Variants in TCF12 observed in about 807,000 individuals in gnomAD.
TCF12 encodes DNA-binding protein HTF4.
Under a neutral mutation model 86.0 loss-of-function variants are expected in TCF12, and 45 were observed. The ratio of observed to expected loss-of-function variants is 0.52; its 90% CI spans 0.41 to 0.67. TCF12 has a LOEUF of 0.67. TCF12 is among the 30% of genes least tolerant of loss of function. The probability of loss-of-function intolerance (pLI) is 0.00; values close to 1 mark genes in which losing one functional copy is unlikely to be tolerated. For synonymous variants in TCF12, 330 were observed against 299.6 expected, an observed-to-expected ratio of 1.10 and a Z score of -1.05; for missense variants, 881 against 859.9, an observed-to-expected ratio of 1.02 and a Z score of -0.31.
At chr15:57,118,098 A>G (rs1390149867) in intron 5 of TCF12, among the ~76,000 whole-genome samples, 16 of 152,204 alleles carry the variant, frequency 1.1e-4, no homozygotes, top group Admixed American at 8.5e-4. Flanking sequence ...TTGCTTGGCC[A>G]GGATATATTT....
chr15:57,180,806 A>AATTT (rs2056285381), intron 6 of TCF12, among the ~76,000 whole-genome samples: 1 of 82,122 alleles, frequency 1.2e-5, no homozygotes, highest in African/African-American at 5.1e-5. Flanking sequence ...GATGCTAATA[A>AATTT]TTTTTTTTTT....
intron 3 of TCF12, among the ~76,000 whole-genome samples, chr15:57,037,424 A>G (rs1344826452): frequency 2.1e-5 from 3 of 144,626 alleles, no homozygotes; most frequent in African/African-American, 5.5e-5. Context: ...CTGGGTGACA[A>G]GAGCTCAAAA....
intron 3 of TCF12, among the ~76,000 whole-genome samples, chr15:57,024,580 A>G (rs1486495431): frequency 6.6e-6 from 1 of 152,224 alleles, no homozygotes; most frequent in Non-Finnish European, 1.5e-5. Flanking sequence ...GTAACATAGT[A>G]AGACTGGAAT....
At chr15:57,167,989 A>T (rs1374917318) in intron 6 of TCF12, among the ~76,000 whole-genome samples, 1 of 152,194 alleles carries the variant, frequency 6.6e-6, no homozygotes, top group Non-Finnish European at 1.5e-5. Flanking sequence ...TTTAGCAAGT[A>T]TGGTTGACAT....
intron 6 of TCF12, among the ~76,000 whole-genome samples, chr15:57,168,565 T>C (rs1236889531): frequency 6.6e-6 from 1 of 152,218 alleles, no homozygotes; most frequent in Non-Finnish European, 1.5e-5. Context: ...ATATCAGAAC[T>C]CATTCTTTTT....
rs1567549825 is a variant in TCF12, at chr15:57,166,458, G to C, written c.382G>C (p.Gly128Arg). ...SLYSRDTGLPGCQSSLLRQDL... is the reference protein window; with the variant it reads ...SLYSRDTGLPRCQSSLLRQDL... ...GTACAGCAGAGATACTGGATTACCA[G>C]GCTGTCAAGTAAGTTTAATGATTAA... The change falls in exon 6 of 21, where the codon GGC becomes CGC. Residue 128 changes from glycine (G) to arginine (R), a missense_variant. Around this residue, in one of 3 missense-constraint regions of TCF12, gnomAD observed 766 missense variants for 718.9 expected, o/e 1.07. Coordinates refer to ENST00000333725, the MANE Select transcript of TCF12 (RefSeq NM_207037.2). 1.2e-6 allele frequency: 2 copies of C among 1,611,848 alleles called. No homozygotes were observed. Among genetic ancestry groups the C allele is most frequent in the Non-Finnish European group, 8.5e-7 (1 of 1,179,206 alleles).
chr15:57,138,970 T>C (rs2052758135), intron 5 of TCF12, among the ~76,000 whole-genome samples: 1 of 152,170 alleles, frequency 6.6e-6, no homozygotes, highest in Admixed American at 6.5e-5. Flanking sequence ...GCTGAGATCA[T>C]TTACCTATTT....
At chr15:57,023,171 G>C (rs187336265) in intron 3 of TCF12, among the ~76,000 whole-genome samples, 9 of 152,256 alleles carry the variant, frequency 5.9e-5, no homozygotes, top group African/African-American at 2.2e-4. Flanking sequence ...ACCTCAAGCA[G>C]ATTATTTGAA....
At chr15:57,081,160 T>A (rs1269504640) in intron 4 of TCF12, among the ~76,000 whole-genome samples, 1 of 152,232 alleles carries the variant, frequency 6.6e-6, no homozygotes, top group African/African-American at 2.4e-5. Flanking sequence ...GTTTTGTTGT[T>A]GCATTTTCCT....
chr15:57,111,955 A>G (rs905089925), intron 5 of TCF12, among the ~76,000 whole-genome samples: 3 of 152,316 alleles, frequency 2.0e-5, no homozygotes, highest in African/African-American at 4.8e-5. Flanking sequence ...CAAAAGTGCC[A>G]TATGAACAAG....
chr15:57,285,224 G>T (rs2061882653), intron 20 of TCF12, among the ~76,000 whole-genome samples: 1 of 152,186 alleles, frequency 6.6e-6, no homozygotes, highest in South Asian at 2.1e-4. Context: ...ATCCTGTAAT[G>T]TAGGCCAAGT....
At chr15:57,202,400 A>G (rs868314906) in intron 8 of TCF12, among the ~76,000 whole-genome samples, 7 of 150,838 alleles carry the variant, frequency 4.6e-5, no homozygotes, top group Middle Eastern at 7.0e-3. Flanking sequence ...AGACTTCCCA[A>G]TTAAGCATGT....
chr15:56,969,561 G>A (rs1157306557), intron 3 of TCF12, among the ~76,000 whole-genome samples: 13 of 126,866 alleles, frequency 1.0e-4, no homozygotes, highest in African/African-American at 1.8e-4. Flanking sequence ...TTTTTGAGAC[G>A]AGATTTCATT....
At chr15:57,197,173 T>TTTTTTTTTTTA (rs60620441) in intron 7 of TCF12, among the ~76,000 whole-genome samples, 4 of 148,484 alleles carry the variant, frequency 2.7e-5, no homozygotes, top group African/African-American at 1.0e-4. Flanking sequence ...TTTTTTTTTT[T>TTTTTTTTTTTA]GAGACAGAGG....
intron 3 of TCF12, among the ~76,000 whole-genome samples, chr15:56,962,545 A>C (rs966679425): frequency 1.3e-5 from 2 of 152,220 alleles, no homozygotes; most frequent in Non-Finnish European, 2.9e-5. Flanking sequence ...CAGAAACATG[A>C]AGAAAAAGAC....
At position 57,288,819 on chromosome 15, in the gene TCF12, G is replaced by C. The variant is rs1296275048; in HGVS notation, c.*2674G>C. The C allele has an allele frequency of 6.6e-6, 1 of 152,152 alleles. No individual in the cohort carries two copies. The highest frequency in any genetic ancestry group is 1.9e-4 in the East Asian group (1 of 5,196). The allele number at this position is 152,152 out of a possible 1,614,324, so 9.4% of individuals were successfully genotyped here. A position where few individuals can be genotyped will look rare whatever the true frequency, so the allele number is the denominator to read the frequency against. Reference sequence around the variant, plus strand: ...GAAAATCTACTCATTTGTAGATACAGAGAAAAATGAAGAAGATGGAAAAAG... The same window carrying C: ...GAAAATCTACTCATTTGTAGATACACAGAAAAATGAAGAAGATGGAAAAAG... On this transcript the variant is annotated 3_prime_UTR_variant, in exon 21 of 21. Transcript: ENST00000333725.
chr15:57,090,292 T>G (rs1483024074), intron 4 of TCF12, among the ~76,000 whole-genome samples: 2 of 152,186 alleles, frequency 1.3e-5, no homozygotes, highest in African/African-American at 4.8e-5. Context: ...CATACTATTG[T>G]GTATATAGGG....
chr15:57,263,257 A>G lies in TCF12; in HGVS notation c.1728A>G (p.Ser576=). 6.2e-7 allele frequency: 1 copy of G among 1,610,472 alleles called. No individual in the cohort carries two copies. Among genetic ancestry groups the G allele is most frequent in the Non-Finnish European group, 8.5e-7 (1 of 1,179,248 alleles). The stretch of plus-strand genomic sequence containing the variant: ...CCTCCCAAAAAGATATCAAGGTTTC[A>G]TCTAGAGGCAGAACAAGGTATTTGT... ...DESSQKDIKV[S]SRGRTSSTNE... is the part of the protein sequence containing the mutation. Residue 576 remains serine, a synonymous_variant, in exon 18 of 21, where the codon TCA becomes TCG. Transcript: ENST00000333725.
chr15:56,919,730 C>A, intron 1 of TCF12, 162 bp from the exon 2 acceptor site: 1 of 588,206 alleles, frequency 1.7e-6, no homozygotes, highest in Non-Finnish European at 2.9e-6. Context: ...GCACTGAGCC[C>A]TCCCGCCCCT....
Sources: gnomAD v4.1 joint callset for allele counts (sites outside exome capture counted in the v4.1 genomes callset) on GRCh38, gnomAD v4.1.1 for gene constraint, gnomAD v4.1.1 regional missense constraint, MANE v1.5 for transcripts, NCBI Gene and HGNC (gene_info 2026-07-23, HGNC 2026-07-21) for gene names.